ZCWPW2: variants seen among roughly 807,000 people sequenced by gnomAD.
ZCWPW2 encodes zinc finger CW-type PWWP domain protein 2.
In ZCWPW2, 45 loss-of-function variants were observed where a neutral mutation model predicts 46.6. The observed-to-expected ratio is 0.96, with a 90% confidence interval of 0.76 to 1.24. ZCWPW2 has a LOEUF of 1.24. Among genes scored for constraint, ZCWPW2 ranks in the 50% most tolerant of loss-of-function variants. The pLI, the probability that ZCWPW2 is intolerant of heterozygous loss-of-function variation, is 0.00. For synonymous variants in ZCWPW2, 152 were observed against 137.1 expected, an observed-to-expected ratio of 1.11 and a Z score of -0.76; for missense variants, 429 against 403.9, an observed-to-expected ratio of 1.06 and a Z score of -0.53.
At chr3:28,510,121 A>C (rs117681990) in intron 6 of ZCWPW2, among the ~76,000 whole-genome samples, 2 of 152,190 alleles carry the variant, frequency 1.3e-5, no homozygotes, top group Non-Finnish European at 2.9e-5. Flanking sequence ...GACCATATAC[A>C]TGAGAGTTTT....
chr3:28,410,392 C>A (rs1696355607), intron 2 of ZCWPW2, among the ~76,000 whole-genome samples: 1 of 147,372 alleles, frequency 6.8e-6, no homozygotes, highest in Non-Finnish European at 1.5e-5. Flanking sequence ...TAAATGTACA[C>A]CTTGCACCCA....
At chr3:28,381,068 A>AG (rs1172881291) in intron 1 of ZCWPW2, among the ~76,000 whole-genome samples, 1,616 of 124,560 alleles carry the variant, frequency 0.013, 396 homozygotes, top group Non-Finnish European at 0.018. Flanking sequence ...ATATATATAT[A>AG]TATATATATA....
chr3:28,473,856 G>A (rs1699127213), intron 4 of ZCWPW2, among the ~76,000 whole-genome samples: 1 of 152,196 alleles, frequency 6.6e-6, no homozygotes, highest in Non-Finnish European at 1.5e-5. Flanking sequence ...AAGAGTACAA[G>A]GTTGGTTAAC....
At chr3:28,500,106 G>GT (rs889815692) in intron 6 of ZCWPW2, among the ~76,000 whole-genome samples, 6 of 151,816 alleles carry the variant, frequency 4.0e-5, no homozygotes, top group Admixed American at 1.3e-4. Flanking sequence ...TCATGGAATT[G>GT]TTTTTTTAAG....
Position 28,365,406 on chromosome 3 carries a change from C to T in ZCWPW2, c.-134+16203C>T, listed in dbSNP as rs1351102567. 1.6e-4 allele frequency among the ~76,000 whole-genome samples: 23 copies of T among 141,228 alleles called. 1 individual carries two copies. The highest frequency in any genetic ancestry group is 5.8e-4 in the African/African-American group (23 of 39,686). The allele number at this position is 141,228 out of a possible 152,430, so 92.7% of individuals were successfully genotyped here. A position where few individuals can be genotyped will look rare whatever the true frequency, so the allele number is the denominator to read the frequency against. On this transcript the variant is annotated intron_variant, in intron 1 of 9. Transcript: ENST00000383768. ...CAGCACCATTTATTAAATAGGGAAT[C>T]GTTTCCCCATTGCTTGTTTTTGTCA... is the stretch of plus-strand genomic sequence containing the variant.
At position 28,413,191 on chromosome 3, in the gene ZCWPW2, G is replaced by A. The variant is rs1205337195; in HGVS notation, c.123G>A (p.Trp41Ter). The A allele has an allele frequency of 8.7e-6, 14 of 1,613,366 alleles. No individual in the cohort carries two copies. Among genetic ancestry groups the A allele is most frequent in the Non-Finnish European group, 1.2e-5 (14 of 1,179,552 alleles). Residue 41 changes from tryptophan to a stop codon, truncating the protein, a stop_gained, in exon 3 of 10, where the codon TGG becomes TGA. Transcript: ENST00000383768. LOFTEE classifies it high-confidence loss of function. ...GTGAGAATGAAAATTGTTTGAAATG[G>A]AGATTGTTATCAAGTGAGGATTCAG... ...VQCENENCLK[W>*]RLLSSEDSAK...
intron 1 of ZCWPW2, among the ~76,000 whole-genome samples, chr3:28,377,497 T>C (rs1705540785): frequency 6.6e-6 from 1 of 152,106 alleles, no homozygotes; most frequent in South Asian, 2.1e-4. Context: ...TTGTGTATTA[T>C]AGTTTAAGGA....
intron 1 of ZCWPW2, among the ~76,000 whole-genome samples, chr3:28,358,166 A>T (rs1040655923): frequency 2.0e-5 from 3 of 151,872 alleles, no homozygotes; most frequent in East Asian, 1.9e-4. Flanking sequence ...TCGTTTAAAA[A>T]TTTTTTTCTT....
At chr3:28,406,194 C>G (rs756937711) in intron 2 of ZCWPW2, among the ~76,000 whole-genome samples, 16 of 152,052 alleles carry the variant, frequency 1.1e-4, no homozygotes, top group Admixed American at 3.3e-4. Context: ...AGAAGCAGTA[C>G]TTAAGGATTT....
rs1697102424 is a variant in ZCWPW2 at position 28,428,265 on chromosome 3, T to C, written c.333-6845T>C. The C allele has an allele frequency of 2.6e-5, 4 of 152,266 alleles. No homozygotes were observed. The South Asian group carries it at 6.2e-4, about 24-fold the overall frequency. The allele number at this position is 152,266 out of a possible 1,614,324, so 9.4% of individuals were successfully genotyped here. On this transcript the variant is annotated intron_variant, in intron 3 of 9. Coordinates refer to ENST00000383768, the MANE Select transcript of ZCWPW2 (RefSeq NM_001040432.4). ...TTTCTGTTATCACTTAGAGTTCTTTTAACGTATTAGGCTTCTTTGGGTTCC... is the reference window on the plus strand; with the variant it reads ...TTTCTGTTATCACTTAGAGTTCTTTCAACGTATTAGGCTTCTTTGGGTTCC...
chr3:28,447,837 T>C, intron 4 of ZCWPW2: 1 of 1,046,740 alleles, frequency 9.6e-7, no homozygotes, highest in Non-Finnish European at 1.5e-6. Context: ...ACAAAGAAGG[T>C]TGGGAAAGCA....
chr3:28,489,697 C>T (rs1018149843), intron 5 of ZCWPW2, among the ~76,000 whole-genome samples: 1 of 147,712 alleles, frequency 6.8e-6, no homozygotes, highest in Admixed American at 6.9e-5. Context: ...CACACACACA[C>T]ACACACACCC....
intron 4 of ZCWPW2, among the ~76,000 whole-genome samples, chr3:28,443,095 C>T (rs1419402604): frequency 1.3e-5 from 2 of 152,122 alleles, no homozygotes; most frequent in Non-Finnish European, 2.9e-5. Flanking sequence ...CCACTGGACC[C>T]ACTGTAAGTC....
chr3:28,481,552 G>A (rs575095844), intron 5 of ZCWPW2, among the ~76,000 whole-genome samples: 1 of 152,194 alleles, frequency 6.6e-6, no homozygotes, highest in African/African-American at 2.4e-5. Context: ...ACTTAAATAT[G>A]TTTAAATTGT....
chr3:28,477,131 C>T (rs1699263717), intron 4 of ZCWPW2, among the ~76,000 whole-genome samples: 1 of 152,132 alleles, frequency 6.6e-6, no homozygotes, highest in South Asian at 2.1e-4. Context: ...ACCATAATTT[C>T]TAATTTAATA....
At chr3:28,435,031 T>C in intron 3 of ZCWPW2, 79 bp from the exon 4 acceptor site, 1 of 1,490,036 alleles carries the variant, frequency 6.7e-7, no homozygotes, top group Middle Eastern at 1.9e-4. Context: ...AAGGAGGAAG[T>C]TAATATGCGA....
chr3:28,474,920 C>T (rs1199044486), intron 4 of ZCWPW2, among the ~76,000 whole-genome samples: 1 of 152,072 alleles, frequency 6.6e-6, no homozygotes, highest in Non-Finnish European at 1.5e-5. Flanking sequence ...CCTCCACCTC[C>T]CGGGTTCAAG....
chr3:28,412,277 A>T (rs149165641), intron 2 of ZCWPW2, among the ~76,000 whole-genome samples: 1 of 151,910 alleles, frequency 6.6e-6, no homozygotes, highest in East Asian at 1.9e-4. Flanking sequence ...TTTGTTACAC[A>T]ATTCAAACTT....
chr3:28,349,225 T>G (rs1704426390), intron 1 of ZCWPW2, 22 bp downstream of exon 1: 5 of 984,738 alleles, frequency 5.1e-6, no homozygotes, highest in Middle Eastern at 5.2e-4. Flanking sequence ...ACCAGCCGTC[T>G]TGTCTGTTGG....
Sources: gnomAD v4.1 joint callset for allele counts (sites outside exome capture counted in the v4.1 genomes callset) on GRCh38, gnomAD v4.1.1 for gene constraint, MANE v1.5 for transcripts, NCBI Gene and HGNC (gene_info 2026-07-23, HGNC 2026-07-21) for gene names.